The following RIC1 variants were observed in gnomAD, a reference collection of about 807,000 sequenced individuals.
RIC1 encodes RIC1 partner of RAB6A GEF complex.
A neutral mutation model predicts 169.0 loss-of-function variants in RIC1; 88 were observed. The observed-to-expected ratio is 0.52, with a 90% CI of 0.44 to 0.62. The LOEUF (loss-of-function observed/expected upper bound fraction) is 0.62. RIC1 is among the 20% of genes least tolerant of loss of function. The pLI, the probability that RIC1 is intolerant of heterozygous loss-of-function variation, is 0.00. For missense variants in RIC1, 1,877 were observed against 1,725.5 expected, an observed-to-expected ratio of 1.09 and a Z score of -1.56; for synonymous variants, 790 against 601.5, an observed-to-expected ratio of 1.31 and a Z score of -4.59.
chr9:5,734,400 G>T (rs993237776), intron 7 of RIC1, among the ~76,000 whole-genome samples: 2 of 151,852 alleles, frequency 1.3e-5, no homozygotes, highest in East Asian at 3.8e-4. Context: ...CACTGGGCCC[G>T]GCCCAGTTTT....
At chr9:5,656,869 T>C (rs531665214) in intron 2 of RIC1, among the ~76,000 whole-genome samples, 179 bp downstream of exon 2, 1 of 152,332 alleles carries the variant, frequency 6.6e-6, no homozygotes, top group South Asian at 2.1e-4. Context: ...GCTTTTCTTC[T>C]GACTCTGCTA....
downstream of RIC1, among the ~76,000 whole-genome samples, chr9:5,776,710 A>G (rs1296824252): frequency 6.6e-6 from 1 of 151,976 alleles, no homozygotes; most frequent in Non-Finnish European, 1.5e-5. Context: ...CAGCATCAAG[A>G]GTTCGCAACA....
chr9:5,755,075 G>T (rs1388995272), intron 15 of RIC1, 145 bp downstream of exon 15: 2 of 460,512 alleles, frequency 4.3e-6, no homozygotes, highest in Non-Finnish European at 7.3e-6. Context: ...TAGGTAGTGG[G>T]ATTTTCTTTT....
intron 6 of RIC1, among the ~76,000 whole-genome samples, chr9:5,727,287 C>G (rs1189160047): frequency 1.3e-5 from 2 of 152,180 alleles, no homozygotes. Context: ...CTTCTCTTCT[C>G]ACTTCATTTC....
Position 5,773,092 on chromosome 9 carries a change from T to C in RIC1, c.3983+12T>C, listed in dbSNP as rs765081546. On this transcript the variant is annotated intron_variant, in intron 25 of 25. Coordinates refer to ENST00000414202, the MANE Select transcript of RIC1 (RefSeq NM_020829.4). Reference sequence around the variant, plus strand: ...GCCTCTACAGACTGGTAAGTGCTGCTTTCCTTAGGCTTGGTGTCCTTCCAT... The same window carrying C: ...GCCTCTACAGACTGGTAAGTGCTGCCTTCCTTAGGCTTGGTGTCCTTCCAT... 16 of 1,569,680 alleles carry C rather than the reference T, an allele frequency of 1.0e-5. No homozygotes were observed. The highest frequency in any genetic ancestry group is 6.8e-5 in the East Asian group (3 of 43,872).
chr9:5,731,381 T>C (rs1824363740), intron 6 of RIC1, among the ~76,000 whole-genome samples: 1 of 152,164 alleles, frequency 6.6e-6, no homozygotes, highest in Non-Finnish European at 1.5e-5. Context: ...ATACAATTCC[T>C]ACTAAAGCAA....
intron 8 of RIC1, among the ~76,000 whole-genome samples, chr9:5,740,016 A>G (rs1250479294): frequency 6.6e-6 from 1 of 152,178 alleles, no homozygotes; most frequent in Non-Finnish European, 1.5e-5. Flanking sequence ...ACCCTCACTC[A>G]GGGCAATCTT....
At chr9:5,680,895 C>G (rs1358800554) in intron 2 of RIC1, among the ~76,000 whole-genome samples, 2 of 128,542 alleles carry the variant, frequency 1.6e-5, no homozygotes, top group African/African-American at 5.7e-5. Context: ...GGCGCGATCT[C>G]GGCTCACTGC....
intron 3 of RIC1, among the ~76,000 whole-genome samples, chr9:5,703,132 C>T (rs66645098): frequency 0.02 from 2,988 of 152,210 alleles, 35 homozygotes; most frequent in Non-Finnish European, 0.024. Context: ...CTCAAAAGTC[C>T]GAAGTCTCAT....
chr9:5,670,418 T>A (rs895911377), intron 2 of RIC1, among the ~76,000 whole-genome samples: 2 of 152,206 alleles, frequency 1.3e-5, no homozygotes, highest in Non-Finnish European at 1.5e-5. Context: ...GTCTAGGCCT[T>A]ATTGATTCCA....
intron 3 of RIC1, among the ~76,000 whole-genome samples, chr9:5,701,955 A>G (rs958387222): frequency 3.9e-5 from 6 of 152,144 alleles, no homozygotes; most frequent in African/African-American, 1.4e-4. Context: ...AACATCATCA[A>G]TTGCCTGGAA....
intron 2 of RIC1, among the ~76,000 whole-genome samples, chr9:5,689,107 G>T (rs1821439670): frequency 7.5e-6 from 1 of 133,800 alleles, no homozygotes; most frequent in African/African-American, 3.0e-5. Flanking sequence ...GGAGTGCAGT[G>T]GCGCGATCTT....
rs1053364496 is a variant in RIC1 at position 5,650,168 on chromosome 9, G to C, written c.145-6415G>C. Among the ~76,000 whole-genome samples the C allele has an allele frequency of 1.7e-3, 252 of 152,250 alleles. 1 individual carries two copies. The highest frequency in any genetic ancestry group is 6.8e-3 in the Middle Eastern group (2 of 294). ...TGATTCTTAGGCCTCCATATGGCTT[G>C]CTTAGGTGCTGGTGGTTGCAGTGGA... On this transcript the variant is annotated intron_variant, in intron 1 of 25. Coordinates refer to ENST00000414202, the MANE Select transcript of RIC1 (RefSeq NM_020829.4).
At chr9:5,631,287 A>AC (rs889622902) in intron 1 of RIC1, among the ~76,000 whole-genome samples, 1 of 152,100 alleles carries the variant, frequency 6.6e-6, no homozygotes, top group Non-Finnish European at 1.5e-5. Context: ...AAGTCCAGGG[A>AC]CCCCTACTAT....
In RIC1 at chr9:5,765,453, C is replaced by G; in HGVS notation, c.2881C>G (p.Leu961Val). Residue 961 changes from leucine (L) to valine (V), a missense_variant, in exon 20 of 26, where the codon CTT becomes GTT. This residue lies in a region of RIC1 where 681 missense variants were observed against 582.0 expected (regional missense o/e 1.17). Coordinates refer to ENST00000414202, the MANE Select transcript of RIC1 (RefSeq NM_020829.4). ...VPAVSRQHAT[L>V]LFNTALEQGK... ...TGCAGTAAGTAGGCAACATGCTACC[C>G]TTCTATTCAACACAGCACTAGAACA... 6.2e-7 allele frequency: 1 copy of G among 1,614,058 alleles called. No individual in the cohort carries two copies. Among genetic ancestry groups the G allele is most frequent in the Non-Finnish European group, 8.5e-7 (1 of 1,179,948 alleles).
At chr9:5,758,840 G>A (rs1460743971) in intron 17 of RIC1, among the ~76,000 whole-genome samples, 1 of 150,534 alleles carries the variant, frequency 6.6e-6, no homozygotes, top group Non-Finnish European at 1.5e-5. Context: ...TGCCTCCCAG[G>A]CTCAAGCAAT....
At position 5,775,649 on chromosome 9, in the gene RIC1, G is replaced by A. The variant is rs916731380; in HGVS notation, c.*1403G>A. 1 of 152,132 alleles carries A rather than the reference G, an allele frequency of 6.6e-6. No individual in the cohort carries two copies. The allele number at this position is 152,132 out of a possible 1,614,324, so 9.4% of individuals were successfully genotyped here. A position where few individuals can be genotyped will look rare whatever the true frequency, so the allele number is the denominator to read the frequency against. On this transcript the variant is annotated 3_prime_UTR_variant, in exon 26 of 26. Coordinates refer to ENST00000414202, the MANE Select transcript of RIC1 (RefSeq NM_020829.4). ...CTCTCCTTGCTTTTTAAAGTAAATG[G>A]CTAGATTTAGTTGTCTTAGCCAGGT... is the stretch of plus-strand genomic sequence containing the variant.
At chr9:5,700,547 A>G in intron 3 of RIC1, among the ~76,000 whole-genome samples, 1 of 151,934 alleles carries the variant, frequency 6.6e-6, no homozygotes, top group Admixed American at 6.5e-5. Flanking sequence ...AATCTTACAA[A>G]TTAAATTCTC....
At chr9:5,728,161 G>T (rs1824119304) in intron 6 of RIC1, among the ~76,000 whole-genome samples, 1 of 152,240 alleles carries the variant, frequency 6.6e-6, no homozygotes, top group Non-Finnish European at 1.5e-5. Context: ...ACAGAGGCAG[G>T]CAGGCCTCCT....
Sources: allele counts gnomAD v4.1 joint callset (sites outside exome capture counted in the v4.1 genomes callset), GRCh38; gene constraint gnomAD v4.1.1; regional missense constraint gnomAD v4.1.1; transcripts MANE v1.5; gene names NCBI Gene and HGNC (gene_info 2026-07-23, HGNC 2026-07-21).